The following ZAP70 variants were observed in gnomAD, a reference collection of about 807,000 sequenced individuals.
ZAP70 encodes tyrosine-protein kinase ZAP-70.
A neutral mutation model predicts 65.8 loss-of-function variants in ZAP70; 27 were observed. The ratio of observed to expected loss-of-function variants is 0.41; its 90% CI spans 0.30 to 0.57. ZAP70 has a LOEUF of 0.57. Among genes scored for constraint, ZAP70 ranks in the 20% least tolerant of loss-of-function variants. The pLI, the probability that ZAP70 is intolerant of heterozygous loss-of-function variation, is 0.28. For missense variants in ZAP70, 696 were observed against 870.5 expected (o/e 0.80, Z 2.52); for synonymous variants, 363 against 360.8 (o/e 1.01, Z -0.07).
chr2:97,749,211 G>A, the ZAP70 span, among the ~76,000 whole-genome samples: 3 of 151,876 alleles, frequency 2.0e-5, no homozygotes, highest in Non-Finnish European at 2.9e-5. Context: ...GGGTTTCACC[G>A]TGTTAGCCAG....
chr2:97,735,034 G>A (rs1677802485), intron 9 of ZAP70: 2 of 665,988 alleles, frequency 3.0e-6, no homozygotes, highest in Admixed American at 2.8e-5. Flanking sequence ...ATTCTTTTTG[G>A]CGATGGGCTG....
At chr2:97,755,200 G>C in the ZAP70 span, among the ~76,000 whole-genome samples, 1 of 152,200 alleles carries the variant, frequency 6.6e-6, no homozygotes, top group African/African-American at 2.4e-5. Flanking sequence ...GGCGTACCGA[G>C]ACTCGCCTCG....
intron 8 of ZAP70, chr2:97,733,870 C>G (rs566631715): frequency 3.4e-5 from 19 of 564,930 alleles, no homozygotes; most frequent in Middle Eastern, 4.9e-4. Flanking sequence ...GTGTCAGTCA[C>G]GTTCCGAGGT....
downstream of ZAP70, among the ~76,000 whole-genome samples, chr2:97,741,051 C>A (rs555728847): frequency 2.6e-5 from 4 of 152,314 alleles, no homozygotes; most frequent in South Asian, 8.3e-4. Context: ...TTGCATTAAG[C>A]ACATGATTTA....
At chr2:97,755,424 C>G in the ZAP70 span, among the ~76,000 whole-genome samples, 1 of 152,244 alleles carries the variant, frequency 6.6e-6, no homozygotes, top group South Asian at 2.1e-4. Flanking sequence ...CCCTGTGTGA[C>G]TGCCACCTGT....
intron 2 of ZAP70, among the ~76,000 whole-genome samples, chr2:97,718,690 C>T (rs1418282357): frequency 6.6e-6 from 1 of 152,184 alleles, no homozygotes; most frequent in African/African-American, 2.4e-5. Flanking sequence ...ATCTCCTCTT[C>T]TGCCCTAACC....
chr2:97,720,535 G>A (rs971044534), intron 2 of ZAP70, among the ~76,000 whole-genome samples: 1 of 152,040 alleles, frequency 6.6e-6, no homozygotes, highest in African/African-American at 2.4e-5. Context: ...GTATCTTAAT[G>A]GAGACGGGGT....
chr2:97,718,984 A>G (rs1234898729), intron 2 of ZAP70, among the ~76,000 whole-genome samples: 1 of 152,152 alleles, frequency 6.6e-6, no homozygotes, highest in Non-Finnish European at 1.5e-5. Context: ...GAAAGTATGA[A>G]CATCCATTTG....
intron 13 of ZAP70, chr2:97,738,484 G>C: frequency 3.1e-6 from 1 of 322,420 alleles, no homozygotes; most frequent in Non-Finnish European, 6.0e-6. Context: ...CCACCAGCCA[G>C]CACACAGCAC....
the ZAP70 span, among the ~76,000 whole-genome samples, chr2:97,755,009 C>T: frequency 6.6e-6 from 1 of 152,166 alleles, no homozygotes; most frequent in African/African-American, 2.4e-5. Context: ...ACAATCACGC[C>T]AAATAACATT....
At position 97,733,221 on chromosome 2, in the gene ZAP70, AGCAG is replaced by A. The variant is rs761349565; in HGVS notation, c.790+12_790+15del. 1.9e-6 allele frequency: 3 copies of A among 1,612,360 alleles called. No individual in the cohort carries two copies. The highest frequency in any genetic ancestry group is 2.7e-5 in the African/African-American group (2 of 74,914). On this transcript the variant is annotated intron_variant, in intron 6 of 13. Transcript: ENST00000264972. ...TGCCAGCAACGCCTCAGGTGACGGCAGCAGGCGGGCGGGCGGTGGGCGGGGGCGG... is the reference window on the plus strand; with the variant it reads ...TGCCAGCAACGCCTCAGGTGACGGCAGCGGGCGGGCGGTGGGCGGGGGCGG...
intron 2 of ZAP70, among the ~76,000 whole-genome samples, chr2:97,714,328 C>G (rs755491114): frequency 4.6e-5 from 7 of 152,228 alleles, no homozygotes; most frequent in African/African-American, 7.2e-5. Context: ...AGCGCATGTG[C>G]ACTCTGTGAA....
At chr2:97,723,050 C>T (rs13033383) in intron 2 of ZAP70, among the ~76,000 whole-genome samples, 40,793 of 152,142 alleles carry the variant, frequency 0.27, 6,896 homozygotes, top group Non-Finnish European at 0.36. Flanking sequence ...CAGGACGTCA[C>T]CATCACCCCA....
intron 2 of ZAP70, among the ~76,000 whole-genome samples, chr2:97,718,070 G>C (rs1677010093): frequency 6.6e-6 from 1 of 152,190 alleles, no homozygotes; most frequent in Non-Finnish European, 1.5e-5. Flanking sequence ...AGCCTAGGGA[G>C]AACCATAGGC....
chr2:97,739,280 G>T, intron 13 of ZAP70, 95 bp from the exon 14 acceptor site: 1 of 1,562,460 alleles, frequency 6.4e-7, no homozygotes, highest in South Asian at 1.2e-5. Context: ...AGCCCCAAAA[G>T]TCTACCTCAG....
intron 4 of ZAP70, among the ~76,000 whole-genome samples, chr2:97,730,464 G>C (rs889325115): frequency 6.6e-6 from 1 of 152,040 alleles, no homozygotes; most frequent in African/African-American, 2.4e-5. Flanking sequence ...CTCCTCCATG[G>C]GCCTTCTCTA....
intron 4 of ZAP70, among the ~76,000 whole-genome samples, chr2:97,727,210 A>G (rs750259180): frequency 6.6e-6 from 1 of 152,280 alleles, no homozygotes; most frequent in Non-Finnish European, 1.5e-5. Context: ...GACCAAAACC[A>G]AAGTCACTGT....
the ZAP70 span, among the ~76,000 whole-genome samples, chr2:97,752,748 C>T: frequency 6.6e-6 from 1 of 152,216 alleles, no homozygotes; most frequent in Non-Finnish European, 1.5e-5. Context: ...TGTGGACTAG[C>T]CCCAATCACA....
rs576172654 is a variant in ZAP70, at chr2:97,731,477, C to G, written c.564-1406C>G. ...TTCTCTTCCTTGCCCTTTTGTGTGC[C>G]CTCATTGCCCCCGCCCTGATTTCCC... On this transcript the variant is annotated intron_variant, in intron 4 of 13. Transcript: ENST00000264972. This position sits in a 1 kb window ranked among gnomAD's most constrained non-coding sequence, Gnocchi z 4.0. Among the ~76,000 whole-genome samples the G allele has an allele frequency of 2.0e-5, 3 of 152,086 alleles. No individual in the cohort carries two copies. Among genetic ancestry groups the G allele is most frequent in the Non-Finnish European group, 4.4e-5 (3 of 68,020 alleles).
Sources: allele counts gnomAD v4.1 joint callset (sites outside exome capture counted in the v4.1 genomes callset), GRCh38; gene constraint gnomAD v4.1.1; non-coding constraint Gnocchi (gnomAD v3.1); transcripts MANE v1.5; gene names NCBI Gene and HGNC (gene_info 2026-07-23, HGNC 2026-07-21).